Variants in TBC1D30 observed in about 807,000 individuals in gnomAD.
TBC1D30 encodes the protein TBC1 domain family, member 30.
TBC1D30 carries 31 observed loss-of-function variants against 63.2 expected under a neutral mutation model. The ratio of observed to expected loss-of-function variants is 0.49; its 90% confidence interval spans 0.37 to 0.66. The LOEUF is 0.66. Ranked by LOEUF, TBC1D30 falls within the 30% of genes least tolerant of loss-of-function variation. TBC1D30 has a pLI of 0.00. For synonymous variants in TBC1D30, 307 were observed against 361.5 expected, an observed-to-expected ratio of 0.85 and a Z score of 1.71; for missense variants, 810 against 953.6, an observed-to-expected ratio of 0.85 and a Z score of 1.98.
chr12:64,877,062 C>A lies in TBC1D30; in HGVS notation c.*1274C>A. On this transcript the variant is annotated 3_prime_UTR_variant, in exon 12 of 12. Transcript: ENST00000539867. ...TAAAAACCAAGACTGGGAAGCCATT[C>A]ACTAAAATCCCTCCTGACTCAAAGG... 1 of 366,344 alleles carries A rather than the reference C, an allele frequency of 2.7e-6. No individual in the cohort carries two copies. The highest frequency in any genetic ancestry group is 5.5e-6 in the Non-Finnish European group (1 of 182,476). 22.7% of individuals were successfully genotyped at this position (366,344 alleles called of 1,614,324 possible). A position where few individuals can be genotyped will look rare whatever the true frequency, so the allele number is the denominator to read the frequency against.
At chr12:64,820,866 T>C (rs1359066380), upstream of TBC1D30, among the ~76,000 whole-genome samples, 1 of 152,262 alleles carries the variant, frequency 6.6e-6, no homozygotes, top group East Asian at 1.9e-4. Context: ...GCTATAAAAG[T>C]TGGCAGTCCT....
intron 10 of TBC1D30, chr12:64,868,738 A>AT: frequency 5.0e-6 from 1 of 198,124 alleles, no homozygotes; most frequent in Non-Finnish European, 1.0e-5. Context: ...CTTTGGAAAA[A>AT]ACCAGAACAA....
rs140067261 is a variant in TBC1D30 at position 64,767,225 on chromosome 12, T to C, written c.-376+7576T>C. On this transcript the variant is annotated intron_variant, in intron 1 of 13. Transcript: ENST00000674237. Reference sequence around the variant, plus strand: ...TTAATGAAACGAGGATAGAAAAAAATAGAGAAAAATCAATGAAAGCAAAAG... The same window carrying C: ...TTAATGAAACGAGGATAGAAAAAAACAGAGAAAAATCAATGAAAGCAAAAG... Among the ~76,000 whole-genome samples, 229 of 149,278 alleles carry C rather than the reference T, an allele frequency of 1.5e-3. 2 individuals are homozygous for C. Among genetic ancestry groups the C allele is most frequent in the African/African-American group, 5.3e-3 (213 of 40,532 alleles).
At chr12:64,854,639 C>T (rs1260217890) in intron 8 of TBC1D30, among the ~76,000 whole-genome samples, 10 of 151,860 alleles carry the variant, frequency 6.6e-5, no homozygotes, top group African/African-American at 2.4e-4. Context: ...GGACTATAGG[C>T]GCCTGCCACC....
At chr12:64,785,912 G>A (rs1211838592) in exon 2 of TBC1D30, 3 of 1,289,808 alleles carry the variant, frequency 2.3e-6, no homozygotes, top group South Asian at 2.5e-5. Context: ...TCCTTCGAGA[G>A]CTAAAGTACA....
chr12:64,873,812 G>A (rs1011903313), intron 11 of TBC1D30, among the ~76,000 whole-genome samples: 5 of 152,168 alleles, frequency 3.3e-5, no homozygotes, highest in Non-Finnish European at 7.4e-5. Context: ...TGGTGAAGAG[G>A]AGACAGTTAT....
At chr12:64,761,778 CT>C (rs1194003219) in intron 1 of TBC1D30, among the ~76,000 whole-genome samples, 1 of 152,196 alleles carries the variant, frequency 6.6e-6, no homozygotes, top group Non-Finnish European at 1.5e-5. Flanking sequence ...AGTAGCCATT[CT>C]TTTATTCCTC....
intron 11 of TBC1D30, among the ~76,000 whole-genome samples, chr12:64,872,483 C>T (rs1007423644): frequency 2.0e-5 from 3 of 152,140 alleles, no homozygotes; most frequent in Non-Finnish European, 4.4e-5. Context: ...TGGTGGTTCT[C>T]TTTAAGGGAG....
chr12:64,832,687 G>A (rs1482561268), intron 5 of TBC1D30, among the ~76,000 whole-genome samples: 9 of 152,218 alleles, frequency 5.9e-5, no homozygotes, highest in Admixed American at 5.9e-4. Context: ...CACTGTTGCT[G>A]TTGGTTGGTG....
chr12:64,794,474 G>A (rs904380800), intron 2 of TBC1D30, among the ~76,000 whole-genome samples: 4 of 151,702 alleles, frequency 2.6e-5, no homozygotes, highest in Non-Finnish European at 5.9e-5. Flanking sequence ...GGTCTCGTCT[G>A]TTGCCCATGT....
At position 64,870,787 on chromosome 12, in the gene TBC1D30, C is replaced by T. The variant is rs751273342; in HGVS notation, c.1477C>T (p.His493Tyr). Residue 493 changes from histidine to tyrosine, a missense_variant, in exon 11 of 12, where the codon CAT becomes TAT. His to Tyr is a moderately conservative substitution (Grantham distance 83). Around this residue, in one of 4 missense-constraint regions of TBC1D30, gnomAD observed 450 missense variants for 473.0 expected, o/e 0.95. Coordinates refer to ENST00000539867, the MANE Select transcript of TBC1D30 (RefSeq NM_015279.2). The stretch of plus-strand genomic sequence containing the variant: ...TAAAAAGAAGCAACAGCAGCAGGTT[C>T]ATCAGGTGTACATCAGGGCAGGTAA... ...RIKKKQQQQV[H>Y]QVYIRADKGP... 3.9e-6 allele frequency: 6 copies of T among 1,535,916 alleles called. No individual in the cohort carries two copies. In the Admixed American group the frequency reaches 5.9e-5, roughly 15 times the overall value.
At chr12:64,859,928 CCT>C (rs1877634538) in intron 8 of TBC1D30, among the ~76,000 whole-genome samples, 1 of 152,094 alleles carries the variant, frequency 6.6e-6, no homozygotes, top group Non-Finnish European at 1.5e-5. Flanking sequence ...CGCTCAATCT[CCT>C]CTCTTTCCCA....
chr12:64,798,799 A>G (rs11175556), intron 2 of TBC1D30, among the ~76,000 whole-genome samples: 3,053 of 145,940 alleles, frequency 0.021, 53 homozygotes, highest in Middle Eastern at 0.058. Context: ...GTCTGGCTTC[A>G]GGCACCTTTT....
intron 1 of TBC1D30, among the ~76,000 whole-genome samples, chr12:64,782,011 A>G (rs1007755361): frequency 4.0e-5 from 6 of 151,120 alleles, no homozygotes; most frequent in African/African-American, 1.5e-4. Context: ...TCAGGGAGAG[A>G]GGCTAATTTG....
rs533168755 is a variant in TBC1D30 at position 64,836,655 on chromosome 12, G to A, written c.760G>A (p.Gly254Arg). The change falls in exon 6 of 12, where the codon GGA becomes AGA. Residue 254 changes from glycine to arginine, a missense_variant. This residue lies in a region of TBC1D30 where 272 missense variants were observed against 335.9 expected (regional missense o/e 0.81). Transcript: ENST00000539867. ...TLQRTANKES[G>R]GGYEPPLTNV... is the part of the protein sequence containing the mutation. The stretch of plus-strand genomic sequence containing the variant: ...TCAGAGAACTGCAAACAAAGAAAGT[G>A]GAGGTAGGTTTCAATGCTATTATAA... 1.3e-6 allele frequency: 2 copies of A among 1,533,204 alleles called. No individual in the cohort carries two copies. Among genetic ancestry groups the A allele is most frequent in the South Asian group, 2.4e-5 (2 of 83,840 alleles). The allele number at this position is 1,533,204 out of a possible 1,614,324, so 95.0% of individuals were successfully genotyped here. A position where few individuals can be genotyped will look rare whatever the true frequency, so the allele number is the denominator to read the frequency against.
chr12:64,873,127 G>T (rs1355809396), intron 11 of TBC1D30, among the ~76,000 whole-genome samples: 1 of 152,160 alleles, frequency 6.6e-6, no homozygotes, highest in Non-Finnish European at 1.5e-5. Context: ...AAAGACCTTA[G>T]CTTCTGAGAC....
At chr12:64,781,674 C>T (rs1157628299) in intron 1 of TBC1D30, among the ~76,000 whole-genome samples, 1 of 148,740 alleles carries the variant, frequency 6.7e-6, no homozygotes, top group Non-Finnish European at 1.5e-5. Context: ...CGAGGCGAGT[C>T]GTAGGGCTGT....
chr12:64,761,336 G>T (rs1870502855), intron 1 of TBC1D30, among the ~76,000 whole-genome samples: 1 of 152,166 alleles, frequency 6.6e-6, no homozygotes, highest in African/African-American at 2.4e-5. Context: ...TGTTCAGGAT[G>T]CTGCTGTCAG....
At chr12:64,786,239 C>T (rs1365861542) in intron 2 of TBC1D30, among the ~76,000 whole-genome samples, 1 of 152,210 alleles carries the variant, frequency 6.6e-6, no homozygotes, top group African/African-American at 2.4e-5. Context: ...TCTAATGTTA[C>T]AACCTTAGAT....
Sources: allele counts gnomAD v4.1 joint callset (sites outside exome capture counted in the v4.1 genomes callset), GRCh38; gene constraint gnomAD v4.1.1; regional missense constraint gnomAD v4.1.1; transcripts MANE v1.5; gene names NCBI Gene and HGNC (gene_info 2026-07-23, HGNC 2026-07-21).